Variants in PLEKHG4B observed in about 807,000 individuals in gnomAD.
PLEKHG4B encodes pleckstrin homology and RhoGEF domain containing G4B, also known as pleckstrin homology domain-containing family G member 4B.
A neutral mutation model predicts 121.3 loss-of-function variants in PLEKHG4B; 111 were observed. That is an observed-to-expected ratio of 0.92 (90% CI 0.78 to 1.07). The LOEUF is 1.07. Ranked by LOEUF, PLEKHG4B falls within the 50% of genes least tolerant of loss-of-function variation. PLEKHG4B has a pLI of 0.00. For missense variants in PLEKHG4B, 1,831 were observed against 1,757.8 expected (o/e 1.04, Z -0.74); for synonymous variants, 738 against 725.0 (o/e 1.02, Z -0.29).
chr5:170,878 T>C (rs568216311), intron 14 of PLEKHG4B, among the ~76,000 whole-genome samples, 165 bp from the exon 15 acceptor site: 7 of 152,188 alleles, frequency 4.6e-5, no homozygotes, highest in Non-Finnish European at 1.0e-4. Flanking sequence ...GATACTCTGA[T>C]AGTCTTTAAT....
rs886781101 is a variant in PLEKHG4B at position 145,229 on chromosome 5, C to T, written c.1905+309C>T. On this transcript the variant is annotated intron_variant, in intron 6 of 19. Coordinates refer to ENST00000637938, the MANE Select transcript of PLEKHG4B (RefSeq NM_052909.5). ...AAGCCAGCCAGGCCCGGGTGGTGGG[C>T]ACCTGTCCCAGGAGGGCAGCGCAGC... is the stretch of plus-strand genomic sequence containing the variant. Among the ~76,000 whole-genome samples the T allele has an allele frequency of 3.9e-5, 6 of 152,350 alleles. No homozygotes were observed. The East Asian group carries it at 9.6e-4, about 24-fold the overall frequency.
Position 128,102 on chromosome 5 carries a change from A to G in PLEKHG4B, c.244-11381A>G, listed in dbSNP as rs138164209. Among the ~76,000 whole-genome samples, 111 of 152,248 alleles carry G rather than the reference A, an allele frequency of 7.3e-4. 1 individual carries two copies. Among genetic ancestry groups the G allele is most frequent in the African/African-American group, 2.6e-3 (110 of 41,548 alleles). On this transcript the variant is annotated intron_variant, in intron 2 of 19. Coordinates refer to ENST00000637938, the MANE Select transcript of PLEKHG4B (RefSeq NM_052909.5). ...CTGCCCTTAGGGACAATAGATGACA[A>G]ATGTGTCCTATTCAGACCTTTAAAA... is the stretch of plus-strand genomic sequence containing the variant.
intron 3 of PLEKHG4B, among the ~76,000 whole-genome samples, chr5:142,698 C>T (rs762009354): frequency 6.6e-6 from 1 of 152,070 alleles, no homozygotes; most frequent in Non-Finnish European, 1.5e-5. Flanking sequence ...GTTACACATA[C>T]CACACATGCA....
At position 101,270 on chromosome 5, in the gene PLEKHG4B, T is replaced by C. The variant is rs1416951420; in HGVS notation, c.45+8994T>C. Among the ~76,000 whole-genome samples the C allele has an allele frequency of 2.8e-5, 3 of 107,616 alleles. 1 individual carries two copies. Among genetic ancestry groups the C allele is most frequent in the Non-Finnish European group, 5.3e-5 (3 of 56,984 alleles). The allele number at this position is 107,616 out of a possible 152,430, so 70.6% of individuals were successfully genotyped here. On this transcript the variant is annotated intron_variant, in intron 1 of 19. Transcript: ENST00000637938. ...GTCTGTAGGGGAGACTGTTGTGAGGTAAATCCATATAAAGCCCTGGGAAAA... is the reference window on the plus strand; with the variant it reads ...GTCTGTAGGGGAGACTGTTGTGAGGCAAATCCATATAAAGCCCTGGGAAAA...
Position 140,056 on chromosome 5 carries a change from G to T in PLEKHG4B, c.817G>T (p.Glu273Ter), listed in dbSNP as rs995324543. ...GCACCTTCCTTATCCAGAAAGAGCC[G>T]AGCTGGGAAGCCCCAGGACCCTGTC... is the stretch of plus-strand genomic sequence containing the variant. ...LRHLPYPERA[E>*]LGSPRTLSGS... Residue 273 changes from glutamate (E) to a stop codon, truncating the protein, a stop_gained, in exon 3 of 20, where the codon GAG becomes TAG. Transcript: ENST00000637938. LOFTEE classifies it high-confidence loss of function. 6 of 436,770 alleles carry T rather than the reference G, an allele frequency of 1.4e-5. No individual in the cohort carries two copies. The highest frequency in any genetic ancestry group is 7.7e-5 in the Admixed American group (2 of 25,820). 27.1% of individuals were successfully genotyped at this position (436,770 alleles called of 1,614,324 possible). A position where few individuals can be genotyped will look rare whatever the true frequency, so the allele number is the denominator to read the frequency against.
intron 1 of PLEKHG4B, among the ~76,000 whole-genome samples, chr5:112,978 A>T (rs1734201007): frequency 6.6e-6 from 1 of 152,108 alleles, no homozygotes; most frequent in African/African-American, 2.4e-5. Flanking sequence ...ACATTTATAG[A>T]GGTGGTATAT....
chr5:130,449 G>GC (rs1235337200), intron 2 of PLEKHG4B, among the ~76,000 whole-genome samples: 3 of 152,118 alleles, frequency 2.0e-5, no homozygotes, highest in South Asian at 2.1e-4. Flanking sequence ...ATCCCTTAAC[G>GC]CCCCCCCATG....
At chr5:140,745 C>T (rs780778837) in intron 3 of PLEKHG4B, 29 bp downstream of exon 3, 42 of 1,510,914 alleles carry the variant, frequency 2.8e-5, no homozygotes, top group Non-Finnish European at 3.4e-5. Context: ...CTCCCCTGCG[C>T]ACCCCCACAA....
At chr5:174,134 A>G in intron 18 of PLEKHG4B, 36 bp downstream of exon 18, 1 of 1,319,592 alleles carries the variant, frequency 7.6e-7, no homozygotes, top group African/African-American at 2.0e-5. Context: ...TGCCAGGCTC[A>G]GGGGCACAGC....
intron 1 of PLEKHG4B, 150 bp downstream of exon 1, chr5:92,426 CGAGCGGACG>C (rs1481174151): frequency 6.2e-4 from 11 of 17,866 alleles, no homozygotes; most frequent in Admixed American, 1.6e-3. Context: ...GGTGGGGGCG[CGAGCGGACG>C]CGGGAGTAGG....
intron 13 of PLEKHG4B, among the ~76,000 whole-genome samples, chr5:164,806 ACACACTAATGCTGTGACGGAGCGGAGCT>A (rs1736226099): frequency 3.3e-5 from 3 of 90,044 alleles, no homozygotes; most frequent in Non-Finnish European, 7.2e-5. Context: ...GGCGGAGCTC[ACACACTAATGCTGTGACGGAGCGGAGCT>A]CACACTAATG....
intron 3 of PLEKHG4B, among the ~76,000 whole-genome samples, chr5:142,813 T>A (rs888961630): frequency 2.6e-5 from 4 of 152,236 alleles, no homozygotes; most frequent in Non-Finnish European, 5.9e-5. Flanking sequence ...AGTGAGCATG[T>A]CTGTGAGCTG....
chr5:169,683 G>C (rs548205105), intron 14 of PLEKHG4B, 91 bp downstream of exon 14: 62 of 1,539,646 alleles, frequency 4.0e-5, no homozygotes, highest in Non-Finnish European at 5.1e-5. Context: ...CGTGTCAGGC[G>C]GTTGGAATAG....
In PLEKHG4B at chr5:174,237, G is replaced by A. The variant is rs535083604; in HGVS notation, c.4402+139G>A. On this transcript the variant is annotated intron_variant, in intron 18 of 19. Transcript: ENST00000637938. The stretch of plus-strand genomic sequence containing the variant: ...GGGGCCAGGGCTAGAGCTGGGGCTG[G>A]AGCTGTGGTCGGGGACTGAGTCCAG... 6.9e-4 allele frequency: 403 copies of A among 584,260 alleles called. 3 individuals are homozygous for A. The highest frequency in any genetic ancestry group is 6.7e-3 in the Admixed American group (172 of 25,674). The allele number at this position is 584,260 out of a possible 1,614,324, so 36.2% of individuals were successfully genotyped here. A position where few individuals can be genotyped will look rare whatever the true frequency, so the allele number is the denominator to read the frequency against.
Position 143,419 on chromosome 5 carries a change from G to A in PLEKHG4B, c.1727G>A (p.Arg576His), listed in dbSNP as rs13436090. 0.13 allele frequency: 202,180 copies of A among 1,612,622 alleles called. 15,799 individuals carry two copies. The highest frequency in any genetic ancestry group is 0.36 in the African/African-American group (27,086 of 74,922). ...CATGGCAGAGCAGTGGTGCAGGTCC[G>A]CACCAGGAGCCTGCTCTGGACCAGG... The part of the protein sequence containing the change: ...DRHGRAVVQV[R>H]TRSLLWTREH... The change falls in exon 5 of 20, where the codon CGC (arginine) becomes CAC (histidine). Residue 576 changes from arginine (R) to histidine (H), a missense_variant. Coordinates refer to ENST00000637938, the MANE Select transcript of PLEKHG4B (RefSeq NM_052909.5).
intron 1 of PLEKHG4B, among the ~76,000 whole-genome samples, chr5:99,443 CAAGT>C (rs991459659): frequency 6.6e-6 from 1 of 151,730 alleles, no homozygotes; most frequent in African/African-American, 2.4e-5. Flanking sequence ...TTTCAGCAAG[CAAGT>C]CTTTTACCTT....
At chr5:151,738 C>G (rs188145504) in intron 7 of PLEKHG4B, 139 bp downstream of exon 7, 7 of 547,002 alleles carry the variant, frequency 1.3e-5, no homozygotes, top group African/African-American at 1.2e-4. Context: ...CTTCCTACCC[C>G]GTAAGTTCTT....
rs1230616471 is a variant in PLEKHG4B at position 186,676 on chromosome 5, C to G, written c.*4353C>G. ...CATCTCCCAGAGTCACTTCCTGATG[C>G]CTCCCCAGCCCTGCCCAGGAAGGGT... On this transcript the variant is annotated 3_prime_UTR_variant, in exon 20 of 20. Coordinates refer to ENST00000637938, the MANE Select transcript of PLEKHG4B (RefSeq NM_052909.5). 6.6e-6 allele frequency: 1 copy of G among 152,550 alleles called. No homozygotes were observed. Among genetic ancestry groups the G allele is most frequent in the African/African-American group, 2.4e-5 (1 of 41,478 alleles). 9.4% of individuals were successfully genotyped at this position (152,550 alleles called of 1,614,324 possible). A position where few individuals can be genotyped will look rare whatever the true frequency, so the allele number is the denominator to read the frequency against.
chr5:97,709 T>C (rs1207019434), intron 1 of PLEKHG4B, among the ~76,000 whole-genome samples: 5 of 151,688 alleles, frequency 3.3e-5, no homozygotes, highest in African/African-American at 1.2e-4. Context: ...ACATTTGGAC[T>C]TTTTCTTTTG....
Sources: gnomAD v4.1 joint callset for allele counts (sites outside exome capture counted in the v4.1 genomes callset) on GRCh38, gnomAD v4.1.1 for gene constraint, MANE v1.5 for transcripts, NCBI Gene and HGNC (gene_info 2026-07-23, HGNC 2026-07-21) for gene names.